Variants in SLC12A7 observed in about 807,000 individuals in gnomAD.
SLC12A7 encodes the protein solute carrier family 12 member 7.
SLC12A7 carries 100 observed loss-of-function variants against 120.6 expected under a neutral mutation model. The ratio of observed to expected loss-of-function variants is 0.83; its 90% CI spans 0.71 to 0.98. SLC12A7 has a LOEUF of 0.98. SLC12A7 is among the 50% of genes least tolerant of loss of function. The probability of loss-of-function intolerance (pLI) is 0.00; values close to 1 mark genes in which losing one functional copy is unlikely to be tolerated. For missense variants in SLC12A7, 1,373 were observed against 1,548.1 expected (o/e 0.89, Z 1.90); for synonymous variants, 760 against 678.0 (o/e 1.12, Z -1.88).
At chr5:1,117,084 G>A in the SLC12A7 span, among the ~76,000 whole-genome samples, 2 of 152,166 alleles carry the variant, frequency 1.3e-5, no homozygotes, top group South Asian at 4.2e-4. The surrounding 1 kb of genome is among the most constrained non-coding windows in gnomAD (Gnocchi z 4.5). Flanking sequence ...TGCTGGCTCT[G>A]TCTCAGAGCC....
the SLC12A7 span, among the ~76,000 whole-genome samples, chr5:1,120,529 C>T: frequency 7.9e-5 from 12 of 152,370 alleles, no homozygotes; most frequent in East Asian, 1.9e-3. Context: ...ACTGGAGGTC[C>T]GTGGAATGCA....
Position 1,053,486 on chromosome 5 carries a change from C to CA in SLC12A7, c.3027-5dup. 6.2e-7 allele frequency: 1 copy of CA among 1,613,004 alleles called. No individual in the cohort carries two copies. The highest frequency in any genetic ancestry group is 2.2e-5 in the East Asian group (1 of 44,874). On this transcript the variant is annotated splice_region_variant and splice_polypyrimidine_tract_variant and intron_variant, in intron 22 of 23. Coordinates refer to ENST00000264930, the MANE Select transcript of SLC12A7 (RefSeq NM_006598.3). The stretch of plus-strand genomic sequence containing the variant: ...CCGCCTGACGTTGGACTGGTCCCTG[C>CA]AGGGGAGGTGGGCACGGTCAGCGGG...
At position 1,060,440 on chromosome 5, in the gene SLC12A7, G is replaced by A. The variant is rs377011366; in HGVS notation, c.2751C>T (p.Asp917=). 2 of 1,612,964 alleles carry A rather than the reference G, an allele frequency of 1.2e-6. No individual in the cohort carries two copies. The highest frequency in any genetic ancestry group is 2.7e-5 in the African/African-American group (2 of 74,924). The change falls in exon 21 of 24, where the codon GAC becomes GAT. Residue 917 remains aspartate (D), a synonymous_variant. Coordinates refer to ENST00000264930, the MANE Select transcript of SLC12A7 (RefSeq NM_006598.3). ...EVEVVEMVEN[D]ISAFTYERTL... is the part of the protein sequence containing the mutation. ...TCCTCTCGTAGGTGAAAGCAGATATGTCGTTTTCAACCTAGAAAGTTCCCA... is the reference window on the plus strand; with the variant it reads ...TCCTCTCGTAGGTGAAAGCAGATATATCGTTTTCAACCTAGAAAGTTCCCA...
the SLC12A7 span, among the ~76,000 whole-genome samples, chr5:1,149,307 C>T: frequency 3.3e-5 from 5 of 152,274 alleles, no homozygotes; most frequent in South Asian, 2.1e-4. Flanking sequence ...CCAGGCGCGG[C>T]GGCTCACACC....
At chr5:1,084,325 G>A (rs899464281) in intron 7 of SLC12A7, among the ~76,000 whole-genome samples, 11 of 152,204 alleles carry the variant, frequency 7.2e-5, no homozygotes, top group African/African-American at 2.2e-4. Flanking sequence ...TCCACCGCGC[G>A]GTGCCGAGTA....
At position 1,065,303 on chromosome 5, in the gene SLC12A7, A is replaced by T. The variant is rs757740104; in HGVS notation, c.2417T>A (p.Phe806Tyr). The T allele has an allele frequency of 6.4e-7, 1 of 1,571,000 alleles. No homozygotes were observed. The highest frequency in any genetic ancestry group is 8.7e-7 in the Non-Finnish European group (1 of 1,155,870). The change falls in exon 18 of 24, where the codon TTC (phenylalanine) becomes TAC (tyrosine). Residue 806 changes from phenylalanine to tyrosine, a missense_variant. Physicochemically the swap from Phe to Tyr is conservative, Grantham distance 22 (BLOSUM62 3). Transcript: ENST00000264930. ...PASWKQEDNP[F>Y]SWKNFVDTVR... ...CCTACCCACAAAGTTCTTCCAGGAG[A>T]AGGGGTTGTCCTCCTGCTTCCAGGA...
intron 3 of SLC12A7, among the ~76,000 whole-genome samples, chr5:1,092,122 T>C (rs569749659): frequency 3.9e-5 from 6 of 152,368 alleles, no homozygotes; most frequent in African/African-American, 1.4e-4. Flanking sequence ...CAACCCCAGA[T>C]TGAGGCTTCT....
intron 9 of SLC12A7, among the ~76,000 whole-genome samples, chr5:1,081,241 C>T (rs983540042): frequency 2.6e-5 from 4 of 152,130 alleles, no homozygotes; most frequent in African/African-American, 7.2e-5. Context: ...CTGAGGATGG[C>T]TTGAGCTCAG....
chr5:1,148,933 G>A, the SLC12A7 span, among the ~76,000 whole-genome samples: 27 of 152,212 alleles, frequency 1.8e-4, no homozygotes, highest in Admixed American at 1.8e-3. Context: ...GCCTGGTGTA[G>A]GAGCTCCATT....
chr5:1,093,506 G>GGGCGGGGACTC (rs1554020792), intron 3 of SLC12A7, 27 bp downstream of exon 3: 14 of 1,579,758 alleles, frequency 8.9e-6, no homozygotes, highest in Non-Finnish European at 1.1e-5. Context: ...GGCGGGGACT[G>GGGCGGGGACTC]GGCGGGCACG....
chr5:1,126,055 A>G, the SLC12A7 span, among the ~76,000 whole-genome samples: 1 of 152,110 alleles, frequency 6.6e-6, no homozygotes, highest in East Asian at 1.9e-4. Flanking sequence ...ATATTTACAC[A>G]ATATTAACCC....
the SLC12A7 span, among the ~76,000 whole-genome samples, chr5:1,127,744 C>A: frequency 1.3e-5 from 2 of 152,232 alleles, no homozygotes; most frequent in Non-Finnish European, 2.9e-5. Context: ...ACTTTGCCCC[C>A]CTCCTGCACA....
Position 1,052,417 on chromosome 5 carries a change from C to T in SLC12A7, c.3195G>A (p.Leu1065=), listed in dbSNP as rs762756307. 2 of 1,612,954 alleles carry T rather than the reference C, an allele frequency of 1.2e-6. No individual in the cohort carries two copies. The highest frequency in any genetic ancestry group is 2.2e-5 in the South Asian group (2 of 91,086). ...CACCCCTGACCAGGAGGACTCTGTT[C>T]AGCCCCTCGGTCAGGACTTCAAGAA... ...MEFLEVLTEG[L]NRVLLVRGGG... Residue 1065 remains leucine, a synonymous_variant, in exon 24 of 24, where the codon CTG becomes CTA. Coordinates refer to ENST00000264930, the MANE Select transcript of SLC12A7 (RefSeq NM_006598.3).
chr5:1,089,958 G>C (rs1002828515), intron 3 of SLC12A7, among the ~76,000 whole-genome samples: 1 of 152,270 alleles, frequency 6.6e-6, no homozygotes, highest in Admixed American at 6.5e-5. Context: ...AGGACGGCTG[G>C]TGCCAGCACA....
chr5:1,115,474 C>T (rs76069391), upstream of SLC12A7, among the ~76,000 whole-genome samples: 2 of 152,188 alleles, frequency 1.3e-5, no homozygotes, highest in African/African-American at 2.4e-5. Flanking sequence ...CCCAGGTCCG[C>T]GGGTCCCCCC....
intron 9 of SLC12A7, among the ~76,000 whole-genome samples, chr5:1,080,953 CAAGAT>C (rs1484742350): frequency 4.0e-5 from 6 of 151,544 alleles, no homozygotes; most frequent in Admixed American, 2.6e-4. Context: ...GCCAAACAGG[CAAGAT>C]AAGCAGGGGC....
At chr5:1,065,181 G>C in intron 18 of SLC12A7, 102 bp downstream of exon 18, 2 of 960,402 alleles carry the variant, frequency 2.1e-6, no homozygotes, top group Non-Finnish European at 2.9e-6. Context: ...TGAGAGGACA[G>C]CGAGGGGACA....
At chr5:1,069,839 A>G (rs968683759) in intron 17 of SLC12A7, among the ~76,000 whole-genome samples, 2 of 152,132 alleles carry the variant, frequency 1.3e-5, no homozygotes, top group African/African-American at 4.8e-5. Flanking sequence ...TGAAGACACA[A>G]AGTCTCAGAC....
At chr5:1,061,124 G>A (rs112666860) in intron 20 of SLC12A7, among the ~76,000 whole-genome samples, 1,747 of 26,000 alleles carry the variant, frequency 0.067, 31 homozygotes, top group Non-Finnish European at 0.17. Context: ...CGCACCCGCC[G>A]TGCGGGACCC....
Sources: gnomAD v4.1 joint callset for allele counts (sites outside exome capture counted in the v4.1 genomes callset) on GRCh38, gnomAD v4.1.1 for gene constraint, Gnocchi (gnomAD v3.1) non-coding constraint, MANE v1.5 for transcripts, NCBI Gene and HGNC (gene_info 2026-07-23, HGNC 2026-07-21) for gene names.